Variants in ANKIB1 observed in about 807,000 individuals in gnomAD.
ANKIB1 encodes ankyrin repeat and IBR domain containing 1, also known as ankyrin repeat and IBR domain-containing protein 1.
A neutral mutation model predicts 122.1 loss-of-function variants in ANKIB1; 43 were observed. The ratio of observed to expected loss-of-function variants is 0.35; its 90% CI spans 0.28 to 0.45. The LOEUF is 0.45. ANKIB1 is among the 20% of genes least tolerant of loss of function. The probability of loss-of-function intolerance (pLI) is 1.00; values close to 1 mark genes in which losing one functional copy is unlikely to be tolerated. For synonymous variants in ANKIB1, 390 were observed against 442.0 expected, an observed-to-expected ratio of 0.88 and a Z score of 1.48; for missense variants, 992 against 1,329.5, an observed-to-expected ratio of 0.75 and a Z score of 3.95.
In ANKIB1 at chr7:92,350,849, C is replaced by T. The variant is rs1386818002; in HGVS notation, c.1086-101C>T. 25 of 1,186,814 alleles carry T rather than the reference C, an allele frequency of 2.1e-5. 1 individual carries two copies. The East Asian group carries it at 6.0e-4, about 28-fold the overall frequency. 73.5% of individuals were successfully genotyped at this position (1,186,814 alleles called of 1,614,324 possible). On this transcript the variant is annotated intron_variant, in intron 7 of 19. Coordinates refer to ENST00000265742, the MANE Select transcript of ANKIB1 (RefSeq NM_019004.2). ...TCCAACCTGAGTGATGGAATGAGAC[C>T]CTGTCTCTAAAAAAAAAAGGAAAGA... is the stretch of plus-strand genomic sequence containing the variant.
chr7:92,294,680 G>A lies in ANKIB1; in HGVS notation c.-90-209G>A, dbSNP rs182343486. On this transcript the variant is annotated intron_variant, in intron 1 of 19. Coordinates refer to ENST00000265742, the MANE Select transcript of ANKIB1 (RefSeq NM_019004.2). ...GTGAAACCTTAACAGTCTCTGTGTG[G>A]GAAAGTGTTAAAGTTTAACAATAAG... Among the ~76,000 whole-genome samples the A allele has an allele frequency of 1.6e-3, 242 of 152,190 alleles. 2 individuals carry two copies. The highest frequency in any genetic ancestry group is 5.6e-3 in the African/African-American group (231 of 41,534).
chr7:92,398,084 G>A, intron 19 of ANKIB1, 128 bp from the exon 20 acceptor site: 2 of 1,128,102 alleles, frequency 1.8e-6, no homozygotes, highest in South Asian at 2.1e-5. Flanking sequence ...GATTTTAGTA[G>A]ATAAAATAAT....
chr7:92,397,739 C>T lies in ANKIB1; in HGVS notation c.2412C>T (p.Gly804=), dbSNP rs1441587820. Residue 804 remains glycine (G), a synonymous_variant, in exon 19 of 20, where the codon GGC becomes GGT. Transcript: ENST00000265742. The part of the protein sequence containing the change: ...SESTLDIPEG[G]SSSRRPGTSV... ...TTGAAACAGATATTCCAGAAGGCGGCAGCAGCAGCCGCAGGCCTGGCACAT... is the reference window on the plus strand; with the variant it reads ...TTGAAACAGATATTCCAGAAGGCGGTAGCAGCAGCCGCAGGCCTGGCACAT... 2 of 1,611,692 alleles carry T rather than the reference C, an allele frequency of 1.2e-6. No individual in the cohort carries two copies. The highest frequency in any genetic ancestry group is 2.2e-5 in the East Asian group (1 of 44,696).
At chr7:92,389,901 C>A (rs1804749396) in intron 14 of ANKIB1, 70 bp from the exon 15 acceptor site, 1 of 1,448,008 alleles carries the variant, frequency 6.9e-7, no homozygotes, top group South Asian at 1.4e-5. Context: ...GAAAAAAAAT[C>A]ATTGTTTAAT....
chr7:92,285,360 T>G (rs1489929407), intron 1 of ANKIB1, among the ~76,000 whole-genome samples: 1 of 152,224 alleles, frequency 6.6e-6, no homozygotes, highest in Non-Finnish European at 1.5e-5. Context: ...CCTATGATTT[T>G]TTAAATTCAC....
chr7:92,356,776 G>T (rs1008331012), intron 9 of ANKIB1, among the ~76,000 whole-genome samples: 1 of 152,138 alleles, frequency 6.6e-6, no homozygotes, highest in African/African-American at 2.4e-5. Context: ...CTCTTTACTT[G>T]TATGGCCTTT....
intron 1 of ANKIB1, among the ~76,000 whole-genome samples, chr7:92,250,386 T>C (rs2131870142): frequency 6.6e-6 from 1 of 152,232 alleles, no homozygotes; most frequent in African/African-American, 2.4e-5. Context: ...AGAGCAAAAC[T>C]CCGCCTAAAA....
intron 1 of ANKIB1, among the ~76,000 whole-genome samples, chr7:92,265,403 AG>A (rs532936531): frequency 9.0e-4 from 137 of 152,346 alleles, no homozygotes; most frequent in African/African-American, 3.2e-3. Flanking sequence ...GGGTTAAAAG[AG>A]AAAAAAAAAG....
intron 1 of ANKIB1, among the ~76,000 whole-genome samples, chr7:92,266,761 G>A (rs373009026): frequency 1.3e-5 from 2 of 152,180 alleles, no homozygotes; most frequent in East Asian, 3.9e-4. Context: ...AGAAGTTGCC[G>A]ACAGGAAGGT....
intron 1 of ANKIB1, chr7:92,294,617 T>C: frequency 3.0e-6 from 1 of 328,616 alleles, no homozygotes; most frequent in Non-Finnish European, 5.5e-6. Flanking sequence ...TTGAAAAGTT[T>C]TATATATAGA....
At chr7:92,334,189 C>G (rs1358197252) in intron 5 of ANKIB1, among the ~76,000 whole-genome samples, 2 of 151,992 alleles carry the variant, frequency 1.3e-5, no homozygotes, top group Non-Finnish European at 2.9e-5. Context: ...TTATTGAATT[C>G]CTTATGTGTT....
chr7:92,311,118 A>G (rs906563892), intron 3 of ANKIB1, among the ~76,000 whole-genome samples: 3 of 152,172 alleles, frequency 2.0e-5, no homozygotes, highest in Non-Finnish European at 4.4e-5. Context: ...TAATAGTTAT[A>G]ATAACTAACA....
intron 11 of ANKIB1, among the ~76,000 whole-genome samples, chr7:92,382,094 C>T (rs1318048541): frequency 1.3e-5 from 2 of 151,916 alleles, no homozygotes; most frequent in Admixed American, 1.3e-4. Flanking sequence ...GGGTTGCAAT[C>T]CTAGGCTCTG....
At chr7:92,379,728 G>A (rs1337878668) in intron 11 of ANKIB1, among the ~76,000 whole-genome samples, 2 of 152,130 alleles carry the variant, frequency 1.3e-5, no homozygotes, top group Non-Finnish European at 2.9e-5. Flanking sequence ...AATGCCAAAT[G>A]ACTCAAAGAT....
chr7:92,285,345 C>G (rs374080849), intron 1 of ANKIB1, among the ~76,000 whole-genome samples: 2 of 152,140 alleles, frequency 1.3e-5, no homozygotes, highest in East Asian at 3.8e-4. Flanking sequence ...GTAGTTCTTT[C>G]TAGTCCTATG....
intron 1 of ANKIB1, among the ~76,000 whole-genome samples, chr7:92,282,014 A>T (rs764205006): frequency 1.1e-4 from 17 of 152,246 alleles, no homozygotes; most frequent in Non-Finnish European, 1.9e-4. Flanking sequence ...AATTATTTCA[A>T]AAGATATTTG....
At chr7:92,252,274 G>C (rs1801343786) in intron 1 of ANKIB1, among the ~76,000 whole-genome samples, 1 of 152,036 alleles carries the variant, frequency 6.6e-6, no homozygotes, top group Admixed American at 6.5e-5. Flanking sequence ...GCTTTGGTGG[G>C]TGTCATTGAT....
chr7:92,334,207 A>G (rs1585112538), intron 5 of ANKIB1, among the ~76,000 whole-genome samples: 1 of 152,132 alleles, frequency 6.6e-6, no homozygotes, highest in East Asian at 1.9e-4. Flanking sequence ...GTTGTAATGC[A>G]TTACAGAGAC....
At position 92,393,983 on chromosome 7, in the gene ANKIB1, C is replaced by T. The variant is rs569407917; in HGVS notation, c.2283+1691C>T. Among the ~76,000 whole-genome samples, 48 of 152,186 alleles carry T rather than the reference C, an allele frequency of 3.2e-4. 1 individual carries two copies. In the South Asian group the frequency reaches 9.7e-3, roughly 31 times the overall value. ...TTTCAGTGAAGTTAATTTCATCTTA[C>T]TCTTTTTAATGTAAATTGAGTCTGG... On this transcript the variant is annotated intron_variant, in intron 17 of 19. Transcript: ENST00000265742.
Sources: gnomAD v4.1 joint callset for allele counts (sites outside exome capture counted in the v4.1 genomes callset) on GRCh38, gnomAD v4.1.1 for gene constraint, MANE v1.5 for transcripts, NCBI Gene and HGNC (gene_info 2026-07-23, HGNC 2026-07-21) for gene names.